PPP2R5D: variants seen among roughly 807,000 people sequenced by gnomAD.
PPP2R5D encodes serine/threonine-protein phosphatase 2A 56 kDa regulatory subunit delta isoform.
In PPP2R5D, 12 loss-of-function variants were observed where a neutral mutation model predicts 79.1. That is an observed-to-expected ratio of 0.15 (90% confidence interval 0.10 to 0.25). PPP2R5D has a LOEUF of 0.25. PPP2R5D is among the 10% of genes least tolerant of loss of function. The pLI is 1.00. For missense variants in PPP2R5D, 419 were observed against 760.2 expected (o/e 0.55, Z 5.28); for synonymous variants, 277 against 286.6 (o/e 0.97, Z 0.34).
intron 2 of PPP2R5D, among the ~76,000 whole-genome samples, chr6:42,997,816 G>T (rs1268034750): frequency 6.6e-6 from 1 of 151,246 alleles, no homozygotes; most frequent in African/African-American, 2.4e-5. Context: ...AAACTGCTGG[G>T]ATTATAGGGG....
At chr6:42,993,194 G>T (rs1771394139) in intron 2 of PPP2R5D, among the ~76,000 whole-genome samples, 1 of 152,142 alleles carries the variant, frequency 6.6e-6, no homozygotes, top group South Asian at 2.1e-4. Context: ...CTACTAGGGA[G>T]GCTGAGGCAG....
rs889250251 is a variant in PPP2R5D at position 42,995,126 on chromosome 6, C to CTTTTTTTTTTTTTTTTTTTTTTTTT, written c.105+5459_105+5460insTTTTTTTTTTTTTTTTTTTTTTTTT. Among the ~76,000 whole-genome samples, 29 of 106,346 alleles carry CTTTTTTTTTTTTTTTTTTTTTTTTT rather than the reference C, an allele frequency of 2.7e-4. 1 individual carries two copies. The highest frequency in any genetic ancestry group is 6.2e-4 in the African/African-American group (15 of 24,064). The allele number at this position is 106,346 out of a possible 152,430, so 69.8% of individuals were successfully genotyped here. A position where few individuals can be genotyped will look rare whatever the true frequency, so the allele number is the denominator to read the frequency against. The stretch of plus-strand genomic sequence containing the variant: ...TTGTGTCCCACCGAACTTTTTCTTT[C>CTTTTTTTTTTTTTTTTTTTTTTTTT]TTTTTTTTTTTTTTTTTTTTTGGAG... On this transcript the variant is annotated intron_variant, in intron 2 of 15. Transcript: ENST00000485511.
At chr6:42,996,217 A>C (rs1771672550) in intron 2 of PPP2R5D, among the ~76,000 whole-genome samples, 1 of 147,356 alleles carries the variant, frequency 6.8e-6, no homozygotes. Flanking sequence ...TAATCCCAGC[A>C]CTTTGGGAGG....
intron 2 of PPP2R5D, among the ~76,000 whole-genome samples, chr6:43,002,672 C>A (rs1176828413): frequency 6.6e-6 from 1 of 152,130 alleles, no homozygotes; most frequent in Non-Finnish European, 1.5e-5. Context: ...ACCCGGTGCT[C>A]CTCTCCTGTT....
intron 1 of PPP2R5D, among the ~76,000 whole-genome samples, chr6:42,988,762 A>G (rs762033760): frequency 6.6e-6 from 1 of 152,362 alleles, no homozygotes; most frequent in Non-Finnish European, 1.5e-5. Context: ...CAGTCTGCAC[A>G]GGTCTTTTAA....
intron 2 of PPP2R5D, among the ~76,000 whole-genome samples, chr6:42,995,557 C>CT (rs11309891): frequency 1.6e-3 from 230 of 144,770 alleles, no homozygotes; most frequent in Middle Eastern, 3.5e-3. Context: ...CATGTTTATT[C>CT]TTTTTTTTTT....
intron 1 of PPP2R5D, among the ~76,000 whole-genome samples, chr6:42,984,905 G>A (rs558104463): frequency 1.4e-3 from 140 of 101,972 alleles, no homozygotes; most frequent in Middle Eastern, 0.014. Flanking sequence ...ACCTTGCCCC[G>A]GAGAGACTCC....
chr6:42,994,321 C>CCAGTAAGG (rs935845963), intron 2 of PPP2R5D, among the ~76,000 whole-genome samples: 1 of 152,092 alleles, frequency 6.6e-6, no homozygotes, highest in Non-Finnish European at 1.5e-5. Flanking sequence ...TTTTATTCAG[C>CCAGTAAGG]CAGTAAGGCA....
At chr6:43,000,655 C>A (rs963516958) in intron 2 of PPP2R5D, among the ~76,000 whole-genome samples, 3 of 152,202 alleles carry the variant, frequency 2.0e-5, no homozygotes, top group Non-Finnish European at 4.4e-5. Context: ...GTGTCTGCAT[C>A]TTACCTGGAA....
rs1421326256 is a variant in PPP2R5D at position 43,008,100 on chromosome 6, T to G, written c.857+35T>G. On this transcript the variant is annotated intron_variant, in intron 7 of 15. Transcript: ENST00000485511. This position sits in a 1 kb window ranked among gnomAD's most constrained non-coding sequence, Gnocchi z 4.2. The stretch of plus-strand genomic sequence containing the variant: ...GGAGCCCAGGCTTAGGAGCAAAACC[T>G]TCTGCTACTGAGGTGGGGTGGGAGC... 2.5e-6 allele frequency: 4 copies of G among 1,610,992 alleles called. No individual in the cohort carries two copies. In the East Asian group the frequency reaches 8.9e-5, roughly 36 times the overall value.
chr6:42,998,398 T>C (rs539565600), intron 2 of PPP2R5D, among the ~76,000 whole-genome samples: 14 of 151,706 alleles, frequency 9.2e-5, no homozygotes, highest in African/African-American at 3.4e-4. Flanking sequence ...ATGATGGCCG[T>C]GTTCGGAATA....
In PPP2R5D at chr6:43,006,533, C is replaced by T; in HGVS notation, c.176C>T (p.Pro59Leu). The change falls in exon 3 of 16, where the codon CCC becomes CTC. Residue 59 changes from proline (P) to leucine (L), a missense_variant. Around this residue, in one of 5 missense-constraint regions of PPP2R5D, gnomAD observed 110 missense variants for 147.6 expected, o/e 0.75. Transcript: ENST00000485511. The surrounding 1 kb of genome is among the most constrained non-coding windows in gnomAD (Gnocchi z 4.7). ...CAGCCACCGTCATCCAACAAGCGTC[C>T]CAGCAATAGCACGCCGCCCCCCACG... ...QSQPPSSNKR[P>L]SNSTPPPTQL... The T allele has an allele frequency of 6.2e-7, 1 of 1,614,104 alleles. No individual in the cohort carries two copies. Among genetic ancestry groups the T allele is most frequent in the Non-Finnish European group, 8.5e-7 (1 of 1,180,034 alleles).
chr6:43,003,416 C>T (rs1761885521), intron 2 of PPP2R5D, among the ~76,000 whole-genome samples: 1 of 151,848 alleles, frequency 6.6e-6, no homozygotes, highest in Non-Finnish European at 1.5e-5. Flanking sequence ...AGCGAGACTC[C>T]ATCTCAAAAA....
At chr6:43,002,960 G>A (rs1581841057) in intron 2 of PPP2R5D, among the ~76,000 whole-genome samples, 1 of 152,124 alleles carries the variant, frequency 6.6e-6, no homozygotes, top group East Asian at 1.9e-4. Context: ...CTGTTTGGGG[G>A]CAAGGGCTGT....
intron 1 of PPP2R5D, 72 bp downstream of exon 1, chr6:42,984,776 G>T: frequency 1.2e-6 from 2 of 1,600,850 alleles, no homozygotes; most frequent in Non-Finnish European, 1.7e-6. Flanking sequence ...CCGGAGCCAG[G>T]CCCGGGACAG....
chr6:42,989,034 G>A (rs937778412), intron 1 of PPP2R5D, among the ~76,000 whole-genome samples: 2 of 152,196 alleles, frequency 1.3e-5, no homozygotes, highest in South Asian at 2.1e-4. Flanking sequence ...CTTGTCAACT[G>A]AGGTGCTCTT....
chr6:43,007,436 G>A lies in PPP2R5D; in HGVS notation c.656G>A (p.Arg219His), dbSNP rs747304414. 5 of 1,613,420 alleles carry A rather than the reference G, an allele frequency of 3.1e-6. No homozygotes were observed. Among genetic ancestry groups the A allele is most frequent in the Admixed American group, 1.7e-5 (1 of 60,000 alleles). Residue 219 changes from arginine (R) to histidine (H), a missense_variant, in exon 6 of 16, where the codon CGT becomes CAT. Physicochemically the swap from Arg to His is conservative, Grantham distance 29. Around this residue, in one of 5 missense-constraint regions of PPP2R5D, gnomAD observed 196 missense variants for 424.5 expected, o/e 0.46. Transcript: ENST00000485511. This position sits in a 1 kb window ranked among gnomAD's most constrained non-coding sequence, Gnocchi z 4.5. ...HLQLVYEFFL[R>H]FLESPDFQPN... ...TAGCTCGTGTATGAGTTCTTCTTAC[G>A]TTTCCTTGAGTCTCCTGATTTCCAG...
At chr6:42,995,980 GC>G (rs896962135) in intron 2 of PPP2R5D, among the ~76,000 whole-genome samples, 2 of 147,170 alleles carry the variant, frequency 1.4e-5, no homozygotes, top group African/African-American at 5.0e-5. Context: ...TCCTGCCTCA[GC>G]CTCCCGAGTA....
chr6:43,010,090 GAA>G lies in PPP2R5D; in HGVS notation c.1380-375_1380-374del, dbSNP rs138605450. Among the ~76,000 whole-genome samples the G allele has an allele frequency of 0.17, 25,138 of 151,934 alleles. 3,288 individuals are homozygous for G. The highest frequency in any genetic ancestry group is 0.37 in the African/African-American group (15,364 of 41,332). On this transcript the variant is annotated intron_variant, in intron 12 of 15. Transcript: ENST00000485511. This position sits in a 1 kb window ranked among gnomAD's most constrained non-coding sequence, Gnocchi z 4.7. Reference sequence around the variant, plus strand: ...TCTTAAAAAAAAAACTCAGGGTTTTGAAAAGACTTTTCTGCTAAAAGCAAGCA... The same window carrying G: ...TCTTAAAAAAAAAACTCAGGGTTTTGAAGACTTTTCTGCTAAAAGCAAGCA...
Sources: gnomAD v4.1 joint callset for allele counts (sites outside exome capture counted in the v4.1 genomes callset) on GRCh38, gnomAD v4.1.1 for gene constraint, gnomAD v4.1.1 regional missense constraint, Gnocchi (gnomAD v3.1) non-coding constraint, MANE v1.5 for transcripts, NCBI Gene and HGNC (gene_info 2026-07-23, HGNC 2026-07-21) for gene names.